The following FAM153A variants were observed in gnomAD, a reference collection of about 807,000 sequenced individuals.
FAM153A encodes protein FAM153A.
Under a neutral mutation model 48.1 loss-of-function variants are expected in FAM153A, and 12 were observed. The ratio of observed to expected loss-of-function variants is 0.25; its 90% CI spans 0.16 to 0.40. The LOEUF (loss-of-function observed/expected upper bound fraction) is 0.40, where lower values mean the gene tolerates loss of function less well. Among genes scored for constraint, FAM153A ranks in the 10% least tolerant of loss-of-function variants. The pLI is 1.00. For synonymous variants in FAM153A, 36 were observed against 118.2 expected (o/e 0.30, Z 4.51); for missense variants, 111 against 345.8 (o/e 0.32, Z 5.38).
At chr5:177,703,614 G>A (rs576814850), downstream of FAM153A, among the ~76,000 whole-genome samples, 13 of 148,582 alleles carry the variant, frequency 8.7e-5, no homozygotes, top group South Asian at 2.9e-3. Flanking sequence ...GGCATGGTGG[G>A]GGGTGATTGG....
rs775747834 is a variant in FAM153A, at chr5:177,739,581, CA to C, written c.537+18del. On this transcript the variant is annotated intron_variant, in intron 9 of 20. Transcript: ENST00000614127. ...AGGAAAATGAAATTCCCCTTTCAGA[CA>C]AAAAAAGAACAACTTACATGGGCAA... is the stretch of plus-strand genomic sequence containing the variant. 2.0e-5 allele frequency: 11 copies of C among 544,866 alleles called. No homozygotes were observed. Among genetic ancestry groups the C allele is most frequent in the East Asian group, 8.7e-5 (2 of 22,922 alleles). 33.8% of individuals were successfully genotyped at this position (544,866 alleles called of 1,614,324 possible).
upstream of FAM153A, chr5:177,782,456 GACGTGGC>G (rs1769768474): frequency 4.1e-6 from 1 of 244,676 alleles, no homozygotes. Flanking sequence ...AACCCCTGTA[GACGTGGC>G]CTAGGGAGCC....
At chr5:177,732,701 GT>G (rs1434891837) in intron 14 of FAM153A, among the ~76,000 whole-genome samples, 1 of 95,618 alleles carries the variant, frequency 1.0e-5, no homozygotes, top group East Asian at 3.6e-4. Flanking sequence ...GGAGAAACGG[GT>G]TTTCTCCATG....
intron 24 of FAM153A, chr5:177,716,545 G>A (rs1582175977): frequency 6.6e-6 from 1 of 151,882 alleles, no homozygotes; most frequent in Non-Finnish European, 1.5e-5. Context: ...GCCTATCAGC[G>A]AGAAGGTGCC....
At chr5:177,707,099 C>T (rs192322967), downstream of FAM153A, among the ~76,000 whole-genome samples, 729 of 151,948 alleles carry the variant, frequency 4.8e-3, 15 homozygotes, top group African/African-American at 0.017. Flanking sequence ...TAGCTGGGGA[C>T]TCCAACACCC....
upstream of FAM153A, among the ~76,000 whole-genome samples, chr5:177,754,012 C>T (rs1189518518): frequency 4.0e-5 from 6 of 151,848 alleles, no homozygotes; most frequent in African/African-American, 1.5e-4. Flanking sequence ...TGCAGTGCAC[C>T]AAGTGTGAGC....
chr5:177,707,943 G>T (rs1055813778), downstream of FAM153A: 1 of 151,932 alleles, frequency 6.6e-6, no homozygotes, highest in Admixed American at 6.6e-5. Context: ...CTCCTGGGTT[G>T]TTTTGGGAGG....
the FAM153A span, among the ~76,000 whole-genome samples, chr5:177,700,254 T>TC: frequency 5.3e-5 from 8 of 151,938 alleles, no homozygotes; most frequent in African/African-American, 1.9e-4. Flanking sequence ...GGGTAAAAGA[T>TC]TGAGAGCTTT....
rs1769131504 is a variant in FAM153A, at chr5:177,771,957, C to T, written c.-57+8492G>A. Among the ~76,000 whole-genome samples the T allele has an allele frequency of 2.1e-5, 2 of 95,884 alleles. 1 individual carries two copies. Among genetic ancestry groups the T allele is most frequent in the African/African-American group, 8.3e-5 (2 of 24,112 alleles). 62.9% of individuals were successfully genotyped at this position (95,884 alleles called of 152,430 possible). A position where few individuals can be genotyped will look rare whatever the true frequency, so the allele number is the denominator to read the frequency against. Reference sequence around the variant, plus strand: ...TGACCACCACATGCACCTTTTCCCTCTCATTTTGCTTGTACTCTTTCATTG... The same window carrying T: ...TGACCACCACATGCACCTTTTCCCTTTCATTTTGCTTGTACTCTTTCATTG... On this transcript the variant is annotated intron_variant, in intron 1 of 8. Coordinates refer to the FAM153A transcript ENST00000393518.
upstream of FAM153A, among the ~76,000 whole-genome samples, chr5:177,755,358 A>C (rs1191576401): frequency 6.6e-6 from 1 of 151,942 alleles, no homozygotes; most frequent in South Asian, 2.1e-4. Flanking sequence ...TCTATGTCTG[A>C]TTGGTATACC....
In FAM153A at chr5:177,733,707, G is replaced by GAT. The variant is rs1193403768; in HGVS notation, c.760+672_760+673insAT. 8.6e-3 allele frequency among the ~76,000 whole-genome samples: 1,281 copies of GAT among 149,536 alleles called. 13 individuals carry two copies. Among genetic ancestry groups the GAT allele is most frequent in the African/African-American group, 0.031 (1,227 of 39,688 alleles). ...AGGGTCAGTTCTGAGGGCTTTGGTA[G>GAT]AAAAGGCTTGTAAAGGAGGGAAGGG... On this transcript the variant is annotated intron_variant, in intron 14 of 20. Coordinates refer to ENST00000614127, the Ensembl canonical transcript of FAM153A.
exon 1 of FAM153A, chr5:177,780,684 T>C (rs1769567061): frequency 1.7e-5 from 1 of 60,404 alleles, no homozygotes; most frequent in Non-Finnish European, 3.2e-5. Flanking sequence ...CCTTTGATGG[T>C]CACATATTAT....
downstream of FAM153A, among the ~76,000 whole-genome samples, chr5:177,703,393 A>T (rs1363984164): frequency 6.6e-6 from 1 of 151,684 alleles, no homozygotes. Flanking sequence ...CTATACCTCA[A>T]TTGTATCTTG....
At chr5:177,782,669 A>ACCCCAATCCGCGATCTAAC (rs1769796867), upstream of FAM153A, 1 of 39,328 alleles carries the variant, frequency 2.5e-5, no homozygotes, top group African/African-American at 1.0e-4. Flanking sequence ...CGCGATCCAA[A>ACCCCAATCCGCGATCTAAC]CCCCAATCCG....
chr5:177,768,303 C>T (rs561162331), intron 1 of FAM153A, among the ~76,000 whole-genome samples: 7 of 151,844 alleles, frequency 4.6e-5, no homozygotes, highest in East Asian at 2.0e-4. Flanking sequence ...CTCTCCAAGC[C>T]CAGTCACTTT....
intron 7 of FAM153A, among the ~76,000 whole-genome samples, 195 bp downstream of exon 9, chr5:177,741,061 C>A (rs1765367450): frequency 1.2e-5 from 1 of 84,464 alleles, no homozygotes; most frequent in African/African-American, 3.8e-5. Context: ...ATGCTTACTG[C>A]CCTAGAGTTT....
the FAM153A span, among the ~76,000 whole-genome samples, chr5:177,700,683 T>TC: frequency 6.6e-6 from 1 of 151,718 alleles, no homozygotes; most frequent in Non-Finnish European, 1.5e-5. Context: ...GCGCCTGTAA[T>TC]CCCAGCTACT....
intron 18 of FAM153A, among the ~76,000 whole-genome samples, chr5:177,728,555 T>TTA: frequency 7.0e-6 from 1 of 143,334 alleles, no homozygotes; most frequent in Admixed American, 6.9e-5. Flanking sequence ...GTTGGGGTGT[T>TTA]TTTTTTTTTG....
At chr5:177,709,803 C>A (rs1388108771), downstream of FAM153A, among the ~76,000 whole-genome samples, 93 of 122,294 alleles carry the variant, frequency 7.6e-4, 2 homozygotes, top group African/African-American at 2.7e-3. Flanking sequence ...CGCTAAGGAG[C>A]TGGGACTGCA....
Sources: gnomAD v4.1 joint callset for allele counts (sites outside exome capture counted in the v4.1 genomes callset) on GRCh38, gnomAD v4.1.1 for gene constraint, MANE v1.5 for transcripts, NCBI Gene and HGNC (gene_info 2026-07-23, HGNC 2026-07-21) for gene names.